GADL1: variants seen among roughly 807,000 people sequenced by gnomAD.
The protein encoded by GADL1 is acidic amino acid decarboxylase GADL1.
A neutral mutation model predicts 69.5 loss-of-function variants in GADL1; 71 were observed. The ratio of observed to expected loss-of-function variants is 1.02; its 90% CI spans 0.84 to 1.25. The LOEUF is 1.25. Among genes scored for constraint, GADL1 ranks in the 50% most tolerant of loss-of-function variants. The pLI is 0.00. For synonymous variants in GADL1, 254 were observed against 214.4 expected (o/e 1.18, Z -1.62); for missense variants, 737 against 631.8 (o/e 1.17, Z -1.79).
At chr3:30,757,356 A>G (rs1015292343) in intron 14 of GADL1, among the ~76,000 whole-genome samples, 9 of 152,280 alleles carry the variant, frequency 5.9e-5, no homozygotes, top group African/African-American at 2.2e-4. Context: ...CAAAAGTGGG[A>G]AAGTGAATAG....
At chr3:30,753,605 A>G (rs972735939) in intron 14 of GADL1, among the ~76,000 whole-genome samples, 2 of 103,470 alleles carry the variant, frequency 1.9e-5, no homozygotes, top group Non-Finnish European at 3.6e-5. Flanking sequence ...ACTTAAAGAT[A>G]ACTTGTTTTC....
intron 13 of GADL1, among the ~76,000 whole-genome samples, 181 bp downstream of exon 13, chr3:30,786,174 T>G (rs1292196794): frequency 6.6e-6 from 1 of 152,210 alleles, no homozygotes; most frequent in Non-Finnish European, 1.5e-5. Context: ...ATTCTGTGAA[T>G]CCAACAAAGG....
At chr3:30,876,376 A>AG (rs1315891615) in intron 1 of GADL1, among the ~76,000 whole-genome samples, 2 of 151,930 alleles carry the variant, frequency 1.3e-5, no homozygotes, top group African/African-American at 4.8e-5. Context: ...TGGTTTCTGA[A>AG]GAAAAGGCTC....
At chr3:30,755,501 C>T (rs972402947) in intron 14 of GADL1, among the ~76,000 whole-genome samples, 2 of 152,218 alleles carry the variant, frequency 1.3e-5, no homozygotes, top group Non-Finnish European at 2.9e-5. Context: ...GTGAAGACTT[C>T]TCCCCCTAAG....
intron 1 of GADL1, among the ~76,000 whole-genome samples, chr3:30,868,293 C>A (rs1239957740): frequency 6.6e-6 from 1 of 151,988 alleles, no homozygotes; most frequent in Non-Finnish European, 1.5e-5. Flanking sequence ...TAGTCTGGAC[C>A]AATTTGCTTT....
Position 30,805,003 on chromosome 3 carries a change from A to G in GADL1, c.1051-3915T>C, listed in dbSNP as rs899392972. ...TAAAGAATGGATTGGATTATACAGT[A>G]AAGAGAAGCCAATGACAAGCACAGA... On this transcript the variant is annotated intron_variant, in intron 11 of 14. Transcript: ENST00000282538. Among the ~76,000 whole-genome samples the G allele has an allele frequency of 1.3e-5, 2 of 152,344 alleles. 1 individual carries two copies.
chr3:30,786,260 C>T, intron 13 of GADL1, 95 bp downstream of exon 13: 1 of 786,754 alleles, frequency 1.3e-6, no homozygotes, highest in Non-Finnish European at 2.2e-6. Context: ...AACTCTGCAA[C>T]ACAAAAACCA....
chr3:30,853,494 A>G (rs1256628000), intron 4 of GADL1, among the ~76,000 whole-genome samples: 1 of 152,170 alleles, frequency 6.6e-6, no homozygotes, highest in Non-Finnish European at 1.5e-5. Flanking sequence ...TTCCAAGCCC[A>G]TATATTTCTC....
At chr3:30,877,403 C>T (rs1374487554) in intron 1 of GADL1, among the ~76,000 whole-genome samples, 1 of 151,830 alleles carries the variant, frequency 6.6e-6, no homozygotes, top group Non-Finnish European at 1.5e-5. Context: ...TTTTTTGTGC[C>T]ATCAACTTGA....
chr3:30,787,223 G>T (rs1434174332), intron 12 of GADL1, among the ~76,000 whole-genome samples: 1 of 151,880 alleles, frequency 6.6e-6, no homozygotes, highest in Non-Finnish European at 1.5e-5. Context: ...AATATGAGGG[G>T]AAAAAAGTGG....
chr3:30,859,961 C>T (rs1452756039), intron 2 of GADL1, among the ~76,000 whole-genome samples: 2 of 151,676 alleles, frequency 1.3e-5, no homozygotes, highest in Non-Finnish European at 2.9e-5. Context: ...CTTATTAGTC[C>T]CCTGTGTGAG....
At chr3:30,759,462 G>A (rs1559490498) in intron 14 of GADL1, among the ~76,000 whole-genome samples, 1 of 152,162 alleles carries the variant, frequency 6.6e-6, no homozygotes, top group Admixed American at 6.5e-5. Flanking sequence ...TTGAAAGCTT[G>A]ATGGAAGGTG....
intron 1 of GADL1, among the ~76,000 whole-genome samples, chr3:30,868,716 A>G (rs931023820): frequency 1.3e-5 from 2 of 151,970 alleles, no homozygotes; most frequent in Admixed American, 6.6e-5. Context: ...GGTAGAAGTC[A>G]TAATTAGCAG....
In GADL1 at chr3:30,850,875, TTCAA is replaced by T. The variant is rs1377877840; in HGVS notation, c.491_494del (p.Ile164AsnfsTer24). ...CATCCCCTTCTTTCCAGCCAATAAATTCAATCATTTTCTTCAGAACCGCTTCTTC... is the reference window on the plus strand; with the variant it reads ...CATCCCCTTCTTTCCAGCCAATAAATTCATTTTCTTCAGAACCGCTTCTTC... On this transcript the variant is annotated frameshift_variant, in exon 5 of 15. Transcript: ENST00000282538. LOFTEE classifies it high-confidence loss of function. The T allele has an allele frequency of 6.4e-7, 1 of 1,550,596 alleles. No individual in the cohort carries two copies. Among genetic ancestry groups the T allele is most frequent in the Non-Finnish European group, 8.7e-7 (1 of 1,146,170 alleles).
At chr3:30,841,948 C>T (rs563911323) in intron 8 of GADL1, among the ~76,000 whole-genome samples, 4 of 152,158 alleles carry the variant, frequency 2.6e-5, no homozygotes, top group South Asian at 2.1e-4. Flanking sequence ...AAGAACAAAC[C>T]GGATGGTGCA....
rs199659994 is a variant in GADL1, at chr3:30,850,107, G to A, written c.540C>T (p.Gly180=). 393 of 1,562,616 alleles carry A rather than the reference G, an allele frequency of 2.5e-4. No individual in the cohort carries two copies. Among genetic ancestry groups the A allele is most frequent in the Non-Finnish European group, 3.2e-4 (363 of 1,134,646 alleles). ...KEGDGIFNPG[G]SVSNMYAMNL... ...TCATTGCATACATATTGGACACTGAGCCACCTGCAAAAACAAAATTAAAAT... is the reference window on the plus strand; with the variant it reads ...TCATTGCATACATATTGGACACTGAACCACCTGCAAAAACAAAATTAAAAT... Residue 180 remains glycine, a synonymous_variant, in exon 6 of 15, where the codon GGC becomes GGT. Coordinates refer to ENST00000282538, the MANE Select transcript of GADL1 (RefSeq NM_207359.3).
intron 12 of GADL1, among the ~76,000 whole-genome samples, chr3:30,789,592 A>G (rs1391372541): frequency 1.3e-5 from 2 of 152,200 alleles, no homozygotes; most frequent in African/African-American, 2.4e-5. Context: ...CATAGGTGGC[A>G]GCTTCTTCCA....
intron 11 of GADL1, among the ~76,000 whole-genome samples, chr3:30,829,806 C>G (rs1189159519): frequency 2.0e-5 from 3 of 151,754 alleles, no homozygotes; most frequent in African/African-American, 7.3e-5. Context: ...ATTCTTTCTC[C>G]TCATGTAGCT....
chr3:30,743,828 T>C (rs371445052), intron 14 of GADL1, among the ~76,000 whole-genome samples: 7 of 152,212 alleles, frequency 4.6e-5, no homozygotes, highest in African/African-American at 1.7e-4. Context: ...TACATATCTC[T>C]GTTCCATTGC....
Sources: gnomAD v4.1 joint callset for allele counts (sites outside exome capture counted in the v4.1 genomes callset) on GRCh38, gnomAD v4.1.1 for gene constraint, MANE v1.5 for transcripts, NCBI Gene and HGNC (gene_info 2026-07-23, HGNC 2026-07-21) for gene names.